The following PCDH15 variants were observed in gnomAD, a reference collection of about 807,000 sequenced individuals.
PCDH15 encodes protocadherin-15.
PCDH15 carries 129 observed loss-of-function variants against 178.5 expected under a neutral mutation model. That is an observed-to-expected ratio of 0.72 (90% confidence interval 0.63 to 0.84). The LOEUF is 0.84. PCDH15 is among the 40% of genes least tolerant of loss of function. The pLI is 0.00. For missense variants in PCDH15, 2,230 were observed against 2,099.9 expected, an observed-to-expected ratio of 1.06 and a Z score of -1.21; for synonymous variants, 800 against 732.0, an observed-to-expected ratio of 1.09 and a Z score of -1.50.
chr10:55,417,249 C>T (rs7081649), intron 2 of PCDH15, among the ~76,000 whole-genome samples: 74,595 of 150,884 alleles, frequency 0.49, 19,538 homozygotes, highest in African/African-American at 0.61. Context: ...ATCTTGTGGC[C>T]CCCAAAATAA....
chr10:54,388,076 T>A (rs1490145372), intron 3 of PCDH15, among the ~76,000 whole-genome samples: 4 of 152,194 alleles, frequency 2.6e-5, no homozygotes. Context: ...ACTGTATGAA[T>A]ATACTTAATA....
intron 13 of PCDH15, among the ~76,000 whole-genome samples, chr10:54,161,273 A>G (rs72797074): frequency 0.3 from 45,219 of 152,022 alleles, 7,072 homozygotes; most frequent in African/African-American, 0.37. Flanking sequence ...ACATTATGCT[A>G]TTTAAAAAGC....
intron 2 of PCDH15, among the ~76,000 whole-genome samples, chr10:55,042,127 T>C (rs1003395973): frequency 2.6e-5 from 4 of 152,030 alleles, no homozygotes. Flanking sequence ...TCTTAACAAA[T>C]GGTAAGATTC....
At chr10:54,194,973 A>T (rs2049451475) in intron 11 of PCDH15, among the ~76,000 whole-genome samples, 1 of 152,120 alleles carries the variant, frequency 6.6e-6, no homozygotes, top group Non-Finnish European at 1.5e-5. Flanking sequence ...AAGGTTTCAG[A>T]TTCATTTCCA....
chr10:55,604,581 A>G (rs1294222632), intron 2 of PCDH15, among the ~76,000 whole-genome samples: 2 of 145,792 alleles, frequency 1.4e-5, no homozygotes, highest in African/African-American at 5.1e-5. Flanking sequence ...AGAACTCAGG[A>G]TTAAGAATCT....
At chr10:54,326,065 G>A (rs1281417806) in intron 7 of PCDH15, among the ~76,000 whole-genome samples, 1 of 152,106 alleles carries the variant, frequency 6.6e-6, no homozygotes, top group Non-Finnish European at 1.5e-5. Context: ...TTAACAACCA[G>A]CTATCAGATA....
chr10:53,916,426 G>C (rs1436707220), intron 25 of PCDH15, among the ~76,000 whole-genome samples: 1 of 125,970 alleles, frequency 7.9e-6, no homozygotes, highest in Non-Finnish European at 1.5e-5. Flanking sequence ...ATGCAAAATT[G>C]TTTGTTTTCA....
At position 53,806,994 on chromosome 10, in the gene PCDH15, A is replaced by G. The variant is rs990314509; in HGVS notation, c.4808T>C (p.Ile1603Thr). ...PSIHSNINGN[I>T]YIAQNGSVVR... The stretch of plus-strand genomic sequence containing the variant: ...CACAGAACCATTCTGTGCAATATAT[A>G]TATTGCCGTTGATATTACTGTGGAT... The change falls in exon 38 of 38, where the codon ATA becomes ACA. Residue 1603 changes from isoleucine to threonine, a missense_variant. Coordinates refer to ENST00000644397, the MANE Select transcript of PCDH15 (RefSeq NM_001384140.1). The G allele has an allele frequency of 1.3e-5, 21 of 1,613,512 alleles. No individual in the cohort carries two copies. The highest frequency in any genetic ancestry group is 1.7e-5 in the Non-Finnish European group (20 of 1,179,802).
intron 2 of PCDH15, among the ~76,000 whole-genome samples, chr10:55,035,966 T>C (rs1231719818): frequency 6.6e-6 from 1 of 152,166 alleles, no homozygotes; most frequent in African/African-American, 2.4e-5. Flanking sequence ...AATTAGTTAA[T>C]TGTACACCTT....
intron 2 of PCDH15, among the ~76,000 whole-genome samples, chr10:55,355,566 A>G (rs916673449): frequency 6.6e-6 from 1 of 151,786 alleles, no homozygotes; most frequent in African/African-American, 2.4e-5. Flanking sequence ...GGTCTTTTCC[A>G]ATTTTTAAAA....
At chr10:54,123,727 A>G (rs894619642) in intron 15 of PCDH15, among the ~76,000 whole-genome samples, 3 of 152,158 alleles carry the variant, frequency 2.0e-5, no homozygotes, top group African/African-American at 7.2e-5. Flanking sequence ...AGTACTCTTC[A>G]TGATAGCAAG....
chr10:54,852,710 G>T (rs1488743878), intron 3 of PCDH15, among the ~76,000 whole-genome samples: 2 of 151,522 alleles, frequency 1.3e-5, no homozygotes, highest in Admixed American at 1.3e-4. Context: ...AAAATTAGCA[G>T]GGTGTGGTGG....
At chr10:54,857,448 A>T (rs1161120520) in intron 3 of PCDH15, among the ~76,000 whole-genome samples, 1 of 152,080 alleles carries the variant, frequency 6.6e-6, no homozygotes, top group Non-Finnish European at 1.5e-5. Context: ...TATTTGATTT[A>T]AATACTTTTT....
chr10:53,975,095 GCTGCAAAGGGCGTGCTTTCATT>G (rs1185479867), intron 21 of PCDH15, among the ~76,000 whole-genome samples: 3 of 152,046 alleles, frequency 2.0e-5, no homozygotes, highest in Non-Finnish European at 4.4e-5. Context: ...CATCAATATT[GCTGCAAAGGGCGTGCTTTCATT>G]CTTTTTTATG....
chr10:54,917,338 A>T (rs1157697067), intron 2 of PCDH15, among the ~76,000 whole-genome samples: 3 of 152,172 alleles, frequency 2.0e-5, no homozygotes, highest in Non-Finnish European at 4.4e-5. Flanking sequence ...TGTGCAAAGA[A>T]CGTAGCTGAT....
At chr10:55,344,962 C>G (rs562111836) in intron 2 of PCDH15, among the ~76,000 whole-genome samples, 1 of 151,738 alleles carries the variant, frequency 6.6e-6, no homozygotes, top group Non-Finnish European at 1.5e-5. Context: ...TTTTATCGAC[C>G]CTCTTTATCT....
intron 23 of PCDH15, among the ~76,000 whole-genome samples, chr10:53,944,377 C>T (rs1420233230): frequency 6.6e-6 from 1 of 152,134 alleles, no homozygotes; most frequent in Non-Finnish European, 1.5e-5. Flanking sequence ...TTATCATTCA[C>T]TCTTCTTTCT....
chr10:54,694,054 G>A (rs1297881364), intron 1 of PCDH15, among the ~76,000 whole-genome samples: 1 of 151,976 alleles, frequency 6.6e-6, no homozygotes, highest in Non-Finnish European at 1.5e-5. Flanking sequence ...TAAAATTTGG[G>A]ACAATTGTGG....
intron 2 of PCDH15, among the ~76,000 whole-genome samples, chr10:54,529,212 C>A (rs2083669684): frequency 6.6e-6 from 1 of 152,028 alleles, no homozygotes; most frequent in South Asian, 2.1e-4. Flanking sequence ...TACACATTTT[C>A]TCTCTTTACA....
Sources: gnomAD v4.1 joint callset for allele counts (sites outside exome capture counted in the v4.1 genomes callset) on GRCh38, gnomAD v4.1.1 for gene constraint, MANE v1.5 for transcripts, NCBI Gene and HGNC (gene_info 2026-07-23, HGNC 2026-07-21) for gene names.